Variants in PDE1C observed in about 807,000 individuals in gnomAD.
PDE1C encodes the protein dual specificity calcium/calmodulin-dependent 3',5'-cyclic nucleotide phosphodiesterase 1C.
PDE1C carries 62 observed loss-of-function variants against 93.1 expected under a neutral mutation model. The observed-to-expected ratio is 0.67, with a 90% CI of 0.54 to 0.82. The LOEUF is 0.82. Ranked by LOEUF, PDE1C falls within the 40% of genes least tolerant of loss-of-function variation. PDE1C has a pLI of 0.00. For synonymous variants in PDE1C, 325 were observed against 310.1 expected, an observed-to-expected ratio of 1.05 and a Z score of -0.50; for missense variants, 742 against 884.6, an observed-to-expected ratio of 0.84 and a Z score of 2.04.
intron 2 of PDE1C, among the ~76,000 whole-genome samples, chr7:32,205,841 A>G (rs1584954825): frequency 1.3e-5 from 2 of 152,232 alleles, no homozygotes; most frequent in South Asian, 2.1e-4. Flanking sequence ...CTGCAGCTTC[A>G]CCCCTGGAGT....
chr7:31,816,291 C>T (rs1322326878), intron 14 of PDE1C, 137 bp from the exon 15 acceptor site: 5 of 721,540 alleles, frequency 6.9e-6, no homozygotes, highest in Non-Finnish European at 1.1e-5. Flanking sequence ...CTTAATTCAT[C>T]AGATTGGCAT....
intron 3 of PDE1C, among the ~76,000 whole-genome samples, chr7:32,098,960 T>G (rs1797911536): frequency 6.6e-6 from 1 of 152,254 alleles, no homozygotes; most frequent in Non-Finnish European, 1.5e-5. Context: ...TGCACAATAG[T>G]GTGAATGTAG....
chr7:31,891,173 G>C lies in PDE1C; in HGVS notation c.129-10313C>G, dbSNP rs151068952. Among the ~76,000 whole-genome samples, 538 of 152,280 alleles carry C rather than the reference G, an allele frequency of 3.5e-3. 4 individuals carry two copies. Among genetic ancestry groups the C allele is most frequent in the African/African-American group, 0.012 (517 of 41,538 alleles). On this transcript the variant is annotated intron_variant, in intron 2 of 17. Coordinates refer to ENST00000396191, the MANE Select transcript of PDE1C (RefSeq NM_001191057.4). ...AAAAGGGATGCAAAAGGACATGTGC[G>C]AGAGGTTTTTATGAACCAGACTGGA...
intron 3 of PDE1C, among the ~76,000 whole-genome samples, chr7:32,098,044 C>T (rs1277463164): frequency 6.7e-6 from 1 of 148,562 alleles, no homozygotes; most frequent in Non-Finnish European, 1.5e-5. Flanking sequence ...TCCTGGCTAA[C>T]ACGGTGAAAC....
intron 1 of PDE1C, among the ~76,000 whole-genome samples, chr7:32,362,683 C>T (rs1406873000): frequency 2.0e-5 from 3 of 152,180 alleles, no homozygotes; most frequent in African/African-American, 7.2e-5. Flanking sequence ...CTTGTACACA[C>T]CCTCCTCTCC....
intron 9 of PDE1C, among the ~76,000 whole-genome samples, chr7:31,845,611 G>A (rs1488480909): frequency 1.3e-5 from 2 of 151,794 alleles, no homozygotes; most frequent in East Asian, 3.9e-4. Flanking sequence ...AAACCACCAT[G>A]GCACATGTAT....
At chr7:32,183,366 A>C (rs1464716001) in intron 2 of PDE1C, among the ~76,000 whole-genome samples, 1 of 152,176 alleles carries the variant, frequency 6.6e-6, no homozygotes, top group Non-Finnish European at 1.5e-5. Flanking sequence ...CAAAAGAACA[A>C]AGCTGGAGGC....
intron 2 of PDE1C, among the ~76,000 whole-genome samples, chr7:31,885,007 T>C (rs955017609): frequency 3.3e-5 from 5 of 152,314 alleles, no homozygotes; most frequent in Admixed American, 2.6e-4. Context: ...AGTAAAGTTG[T>C]CTAGATGCTT....
chr7:32,324,216 C>T (rs1459683528), intron 1 of PDE1C, among the ~76,000 whole-genome samples: 1 of 152,110 alleles, frequency 6.6e-6, no homozygotes, highest in African/African-American at 2.4e-5. Context: ...TATTATATGG[C>T]CCATAAAACC....
At chr7:32,196,169 T>C (rs1276998096) in intron 2 of PDE1C, among the ~76,000 whole-genome samples, 1 of 152,192 alleles carries the variant, frequency 6.6e-6, no homozygotes, top group Non-Finnish European at 1.5e-5. Context: ...TCTGATGCCA[T>C]GCCAGCAAGG....
chr7:31,625,510 A>G, the PDE1C span, among the ~76,000 whole-genome samples: 305 of 152,294 alleles, frequency 2.0e-3, 1 homozygote, highest in African/African-American at 7.0e-3. Context: ...TTCTCAATAA[A>G]CTATTGCAAG....
rs202246482 is a variant in PDE1C, at chr7:32,106,268, CA to C, written c.308+63516del. On this transcript the variant is annotated intron_variant, in intron 3 of 18. Transcript: ENST00000396193. ...CCCTGGCCTCAAGCAGGCAGCCTCC[CA>C]AAGTATTGGGATTACAATACTGCCT... is the stretch of plus-strand genomic sequence containing the variant. 6.4e-3 allele frequency among the ~76,000 whole-genome samples: 969 copies of C among 152,226 alleles called. 9 individuals carry two copies. The highest frequency in any genetic ancestry group is 0.022 in the African/African-American group (914 of 41,536).
the PDE1C span, among the ~76,000 whole-genome samples, chr7:31,690,057 C>T: frequency 1.3e-4 from 20 of 152,190 alleles, no homozygotes; most frequent in African/African-American, 4.8e-4. Context: ...GGGCCTCTGA[C>T]ATGTTTGATT....
chr7:32,392,033 T>C (rs988459706), intron 1 of PDE1C, among the ~76,000 whole-genome samples: 9 of 151,936 alleles, frequency 5.9e-5, no homozygotes, highest in African/African-American at 2.2e-4. Context: ...AAATTGATTT[T>C]TAAAAAGTTG....
At chr7:32,154,918 G>A (rs1801475170) in intron 3 of PDE1C, among the ~76,000 whole-genome samples, 1 of 152,256 alleles carries the variant, frequency 6.6e-6, no homozygotes, top group South Asian at 2.1e-4. Flanking sequence ...AGCTAAAGTT[G>A]TATTCTTAGA....
At chr7:32,147,227 T>C (rs1488025520) in intron 3 of PDE1C, among the ~76,000 whole-genome samples, 1 of 120,620 alleles carries the variant, frequency 8.3e-6, no homozygotes, top group Non-Finnish European at 1.7e-5. Context: ...TGTGAGCTCA[T>C]TTGGTAAATA....
At chr7:31,767,478 AC>A (rs1583987573) in intron 17 of PDE1C, among the ~76,000 whole-genome samples, 1 of 152,126 alleles carries the variant, frequency 6.6e-6, no homozygotes, top group East Asian at 1.9e-4. Flanking sequence ...CTCCCCCTTC[AC>A]CTTCTGCCAT....
intron 3 of PDE1C, among the ~76,000 whole-genome samples, chr7:32,153,155 T>C (rs771914208): frequency 5.9e-5 from 9 of 152,188 alleles, no homozygotes; most frequent in African/African-American, 9.7e-5. Context: ...ACAGATCACG[T>C]TCCCAAAAGA....
chr7:32,022,175 G>A (rs933692974), intron 2 of PDE1C, among the ~76,000 whole-genome samples: 9 of 151,664 alleles, frequency 5.9e-5, no homozygotes, highest in African/African-American at 2.2e-4. Context: ...AAAGTGAGAG[G>A]AAGGAAAAAA....
Sources: allele counts gnomAD v4.1 joint callset (sites outside exome capture counted in the v4.1 genomes callset), GRCh38; gene constraint gnomAD v4.1.1; transcripts MANE v1.5; gene names NCBI Gene and HGNC (gene_info 2026-07-23, HGNC 2026-07-21).